AOAH: variants seen among roughly 807,000 people sequenced by gnomAD.
AOAH encodes the protein acyloxyacyl hydrolase, also known as acyloxyacyl hydrolase (neutrophil).
In AOAH, 64 loss-of-function variants were observed where a neutral mutation model predicts 92.2. That is an observed-to-expected ratio of 0.69 (90% CI 0.57 to 0.86). AOAH has a LOEUF of 0.86. Among genes scored for constraint, AOAH ranks in the 40% least tolerant of loss-of-function variants. The pLI is 0.00. For missense variants in AOAH, 656 were observed against 694.6 expected, an observed-to-expected ratio of 0.94 and a Z score of 0.62; for synonymous variants, 263 against 254.5, an observed-to-expected ratio of 1.03 and a Z score of -0.32.
At chr7:36,575,935 AAG>A (rs1788465919) in intron 13 of AOAH, among the ~76,000 whole-genome samples, 1 of 152,238 alleles carries the variant, frequency 6.6e-6, no homozygotes, top group African/African-American at 2.4e-5. Flanking sequence ...CATAGCAGAC[AAG>A]AGTGCCAAGG....
At chr7:36,584,569 C>T (rs549174830) in intron 12 of AOAH, among the ~76,000 whole-genome samples, 1 of 152,184 alleles carries the variant, frequency 6.6e-6, no homozygotes, top group African/African-American at 2.4e-5. Context: ...AATTCATTTT[C>T]TCCTATTTGT....
At chr7:36,532,906 C>A (rs1006849519) in intron 16 of AOAH, among the ~76,000 whole-genome samples, 1 of 152,082 alleles carries the variant, frequency 6.6e-6, no homozygotes, top group South Asian at 2.1e-4. Context: ...GAAAGCCATA[C>A]GAAATACTTG....
At chr7:36,697,300 A>G (rs1354562290) in intron 1 of AOAH, among the ~76,000 whole-genome samples, 1 of 152,216 alleles carries the variant, frequency 6.6e-6, no homozygotes, top group African/African-American at 2.4e-5. Flanking sequence ...TTGGGCTGAC[A>G]ATGTAATTGT....
chr7:36,517,160 TTC>T (rs199771565), intron 20 of AOAH, among the ~76,000 whole-genome samples: 10 of 38,964 alleles, frequency 2.6e-4, no homozygotes, highest in Admixed American at 2.0e-3. Context: ...ATGTTAGTCT[TTC>T]TTTCTTTCTT....
chr7:36,572,607 G>A (rs550580166), intron 13 of AOAH, among the ~76,000 whole-genome samples: 2 of 152,232 alleles, frequency 1.3e-5, no homozygotes, highest in South Asian at 4.1e-4. Flanking sequence ...CAGTTGGTAG[G>A]TGGAATTAGC....
At chr7:36,651,072 C>T (rs1794548197) in intron 4 of AOAH, among the ~76,000 whole-genome samples, 1 of 152,154 alleles carries the variant, frequency 6.6e-6, no homozygotes, top group African/African-American at 2.4e-5. Flanking sequence ...CTCTACTCTA[C>T]CCTGAAGGAG....
chr7:36,543,313 C>T lies in AOAH; in HGVS notation c.1134-2822G>A, dbSNP rs377092605. 3.3e-5 allele frequency among the ~76,000 whole-genome samples: 5 copies of T among 152,264 alleles called. No homozygotes were observed. The South Asian group carries it at 6.2e-4, about 19-fold the overall frequency. ...AGAAGCAGCACTGAAGAACCTGCCC[C>T]AAGTATCTAGGTTCTATATTCACTG... On this transcript the variant is annotated intron_variant, in intron 15 of 20. Coordinates refer to ENST00000617537, the MANE Select transcript of AOAH (RefSeq NM_001637.4).
At chr7:36,589,878 T>C (rs902908058) in intron 12 of AOAH, among the ~76,000 whole-genome samples, 5 of 152,340 alleles carry the variant, frequency 3.3e-5, no homozygotes, top group South Asian at 2.1e-4. Context: ...TTTCCTGTTA[T>C]ATGAATTGCT....
At chr7:36,675,024 G>A (rs1463655352) in intron 2 of AOAH, among the ~76,000 whole-genome samples, 3 of 152,260 alleles carry the variant, frequency 2.0e-5, no homozygotes, top group African/African-American at 7.2e-5. Context: ...GGAGGGCAAG[G>A]CGGGTAGATC....
At chr7:36,548,305 C>T (rs3735396) in intron 15 of AOAH, among the ~76,000 whole-genome samples, 55,685 of 151,990 alleles carry the variant, frequency 0.37, 10,847 homozygotes, top group Middle Eastern at 0.47. Context: ...GCTGCCTCAG[C>T]CTCTCATGTA....
intron 6 of AOAH, among the ~76,000 whole-genome samples, chr7:36,623,708 ACTTTCACTCC>A (rs1335800865): frequency 2.0e-5 from 3 of 152,192 alleles, no homozygotes; most frequent in African/African-American, 7.2e-5. Flanking sequence ...TTAGCTGGCA[ACTTTCACTCC>A]CATTCATGAG....
Position 36,724,248 on chromosome 7 carries a change from C to T in AOAH, c.-100G>A. On this transcript the variant is annotated 5_prime_UTR_variant, in exon 1 of 21. Transcript: ENST00000617537. ...AGAATCAATTGATCTCTCTCTCCTT[C>T]TCTTCCTCACTCTCTTTGACACACA... The T allele has an allele frequency of 1.4e-6, 2 of 1,390,894 alleles. No homozygotes were observed. Among genetic ancestry groups the T allele is most frequent in the Non-Finnish European group, 2.0e-6 (2 of 999,582 alleles). The allele number at this position is 1,390,894 out of a possible 1,614,324, so 86.2% of individuals were successfully genotyped here.
intron 15 of AOAH, among the ~76,000 whole-genome samples, chr7:36,543,454 CT>C (rs142008904): frequency 1.7e-4 from 26 of 150,350 alleles, no homozygotes; most frequent in African/African-American, 4.6e-4. Flanking sequence ...CCTTGCCACA[CT>C]TTTTTTTTTC....
At chr7:36,690,591 C>T (rs1390368737) in intron 1 of AOAH, among the ~76,000 whole-genome samples, 2 of 152,180 alleles carry the variant, frequency 1.3e-5, no homozygotes, top group Non-Finnish European at 2.9e-5. Context: ...GTAATTCCTC[C>T]CATTACAGAC....
intron 1 of AOAH, among the ~76,000 whole-genome samples, chr7:36,691,947 A>G (rs951268027): frequency 6.6e-6 from 1 of 152,218 alleles, no homozygotes; most frequent in African/African-American, 2.4e-5. Flanking sequence ...TTCAGCCAGC[A>G]GATCACCTAG....
rs1798242349 is a variant in AOAH, at chr7:36,704,230, T to C, written c.128-17436A>G. ...TTTTTTCTTGTACATTTGTTTAAGT[T>C]CCTTGTAGATTCTGGATGTTAGCCT... On this transcript the variant is annotated intron_variant, in intron 1 of 20. Transcript: ENST00000617537. Among the ~76,000 whole-genome samples, 4 of 152,314 alleles carry C rather than the reference T, an allele frequency of 2.6e-5. No individual in the cohort carries two copies. In the Middle Eastern group the frequency reaches 0.01, roughly 389 times the overall value.
At chr7:36,629,572 T>G (rs1792926101) in intron 6 of AOAH, among the ~76,000 whole-genome samples, 1 of 152,100 alleles carries the variant, frequency 6.6e-6, no homozygotes. Context: ...TCCCCAGTCA[T>G]GAAAAGGGGT....
chr7:36,515,016 A>G (rs527599231), intron 20 of AOAH, among the ~76,000 whole-genome samples: 11 of 151,892 alleles, frequency 7.2e-5, no homozygotes, highest in Non-Finnish European at 1.5e-4. Context: ...CCCGCTGCGT[A>G]ATCTCGGTCA....
At chr7:36,562,796 T>C (rs1787374284) in intron 13 of AOAH, among the ~76,000 whole-genome samples, 1 of 152,124 alleles carries the variant, frequency 6.6e-6, no homozygotes, top group Admixed American at 6.5e-5. Context: ...TGCTCCACTC[T>C]GCTGTGCTCT....
Sources: allele counts gnomAD v4.1 joint callset (sites outside exome capture counted in the v4.1 genomes callset), GRCh38; gene constraint gnomAD v4.1.1; transcripts MANE v1.5; gene names NCBI Gene and HGNC (gene_info 2026-07-23, HGNC 2026-07-21).